Variants in NLGN1 observed in about 807,000 individuals in gnomAD.
NLGN1 encodes neuroligin-1.
A neutral mutation model predicts 65.5 loss-of-function variants in NLGN1; 12 were observed. The ratio of observed to expected loss-of-function variants is 0.18; its 90% CI spans 0.12 to 0.30. The LOEUF (loss-of-function observed/expected upper bound fraction) is 0.30, where lower values mean the gene tolerates loss of function less well. NLGN1 is among the 10% of genes least tolerant of loss of function. The pLI is 1.00. For synonymous variants in NLGN1, 350 were observed against 359.5 expected, an observed-to-expected ratio of 0.97 and a Z score of 0.30; for missense variants, 750 against 1,007.1, an observed-to-expected ratio of 0.74 and a Z score of 3.46.
chr3:173,763,838 A>G (rs760859438), intron 3 of NLGN1, among the ~76,000 whole-genome samples: 1 of 152,138 alleles, frequency 6.6e-6, no homozygotes, highest in East Asian at 1.9e-4. Flanking sequence ...TGAGGAAACA[A>G]TATGAGGAAT....
At chr3:174,081,132 G>A (rs7638337) in intron 4 of NLGN1, among the ~76,000 whole-genome samples, 28,565 of 151,886 alleles carry the variant, frequency 0.19, 3,147 homozygotes, top group African/African-American at 0.31. Flanking sequence ...ACAAGTCACG[G>A]AATACACTTA....
chr3:173,579,760 CT>C (rs1448421616), intron 2 of NLGN1, among the ~76,000 whole-genome samples: 1 of 152,110 alleles, frequency 6.6e-6, no homozygotes, highest in Non-Finnish European at 1.5e-5. Context: ...TGTTGCACCA[CT>C]TTTTATTTTT....
At chr3:173,563,221 T>C (rs139600999) in intron 2 of NLGN1, among the ~76,000 whole-genome samples, 1,926 of 152,326 alleles carry the variant, frequency 0.013, 42 homozygotes, top group African/African-American at 0.044. Flanking sequence ...CCATCGAATA[T>C]TGAATAAAGA....
chr3:173,976,858 A>G (rs1327892337), intron 4 of NLGN1, among the ~76,000 whole-genome samples: 6 of 152,036 alleles, frequency 3.9e-5, no homozygotes, highest in Non-Finnish European at 8.8e-5. Flanking sequence ...GCCTCTTGCC[A>G]ATTTACTCAG....
At chr3:173,688,422 G>A (rs1764984459) in intron 3 of NLGN1, among the ~76,000 whole-genome samples, 1 of 152,146 alleles carries the variant, frequency 6.6e-6, no homozygotes, top group Non-Finnish European at 1.5e-5. Context: ...AAACAATGCT[G>A]TTTTTCTTAG....
chr3:174,091,727 A>G (rs970870676), intron 4 of NLGN1, among the ~76,000 whole-genome samples: 3 of 152,224 alleles, frequency 2.0e-5, no homozygotes, highest in African/African-American at 4.8e-5. Context: ...TGCATTTAAG[A>G]TACTGTAAAA....
chr3:173,858,500 T>C (rs1478333981), intron 4 of NLGN1, among the ~76,000 whole-genome samples: 1 of 152,072 alleles, frequency 6.6e-6, no homozygotes. Flanking sequence ...TTGAATTATA[T>C]TAGGGTGCCT....
At chr3:173,788,833 TA>T (rs3979635) in intron 3 of NLGN1, among the ~76,000 whole-genome samples, 2,680 of 53,258 alleles carry the variant, frequency 0.05, 146 homozygotes, top group African/African-American at 0.11. Flanking sequence ...AGACCTCATT[TA>T]AAAAAAAAAA....
intron 3 of NLGN1, among the ~76,000 whole-genome samples, chr3:173,674,980 A>T (rs1762925875): frequency 1.3e-5 from 2 of 151,334 alleles, no homozygotes; most frequent in South Asian, 2.1e-4. Context: ...GACTAACTAA[A>T]TTTTTTTTTA....
At position 173,757,487 on chromosome 3, in the gene NLGN1, T is replaced by TA. The variant is rs938858887; in HGVS notation, c.494-50186dup. On this transcript the variant is annotated intron_variant, in intron 3 of 6. Transcript: ENST00000457714. The stretch of plus-strand genomic sequence containing the variant: ...TTTACTATGGTTTAATTAAACTATG[T>TA]AAAAAAACCACATACCTTTAAAATG... Among the ~76,000 whole-genome samples, 82 of 152,082 alleles carry TA rather than the reference T, an allele frequency of 5.4e-4. 1 individual carries two copies. Among genetic ancestry groups the TA allele is most frequent in the African/African-American group, 1.7e-3 (71 of 41,536 alleles).
intron 3 of NLGN1, among the ~76,000 whole-genome samples, chr3:173,698,206 A>G (rs1285850821): frequency 6.6e-6 from 1 of 152,194 alleles, no homozygotes; most frequent in Non-Finnish European, 1.5e-5. Flanking sequence ...TTCTGCAACT[A>G]TTAGACACTC....
chr3:174,266,663 C>T (rs1748307502), intron 4 of NLGN1, among the ~76,000 whole-genome samples: 1 of 152,200 alleles, frequency 6.6e-6, no homozygotes, highest in African/African-American at 2.4e-5. Flanking sequence ...GAACTAATAT[C>T]ATTCCACAAG....
intron 2 of NLGN1, among the ~76,000 whole-genome samples, chr3:173,575,558 T>G (rs1745382659): frequency 6.6e-6 from 1 of 152,218 alleles, no homozygotes; most frequent in Admixed American, 6.5e-5. Flanking sequence ...GAGCTGAGAT[T>G]TAATAGTTTT....
intron 4 of NLGN1, among the ~76,000 whole-genome samples, chr3:174,212,192 A>C (rs1222985431): frequency 6.6e-6 from 1 of 152,074 alleles, no homozygotes; most frequent in Non-Finnish European, 1.5e-5. Context: ...GACCCAGTAC[A>C]CCCTCCGCAG....
At chr3:173,531,967 T>C (rs1261119205) in intron 2 of NLGN1, among the ~76,000 whole-genome samples, 5 of 152,168 alleles carry the variant, frequency 3.3e-5, no homozygotes, top group Non-Finnish European at 7.4e-5. Flanking sequence ...TTCTATTTTA[T>C]AGAAGTGCAT....
chr3:173,907,939 C>T (rs1240636455), intron 4 of NLGN1, among the ~76,000 whole-genome samples: 3 of 152,244 alleles, frequency 2.0e-5, no homozygotes, highest in Middle Eastern at 3.4e-3. Flanking sequence ...AGGCTGGTCT[C>T]GAACTCCTGA....
intron 3 of NLGN1, among the ~76,000 whole-genome samples, chr3:173,793,954 T>C (rs1713385581): frequency 6.6e-6 from 1 of 152,108 alleles, no homozygotes; most frequent in Admixed American, 6.6e-5. Context: ...TGTGTTCCAG[T>C]TGATTCTTGT....
At chr3:174,153,316 T>G (rs9882267) in intron 4 of NLGN1, among the ~76,000 whole-genome samples, 55,743 of 151,888 alleles carry the variant, frequency 0.37, 11,959 homozygotes, top group African/African-American at 0.59. Flanking sequence ...AGGTAACATT[T>G]CAAGGACAAT....
At chr3:173,475,748 G>A (rs938718014) in intron 2 of NLGN1, among the ~76,000 whole-genome samples, 1 of 152,064 alleles carries the variant, frequency 6.6e-6, no homozygotes, top group Admixed American at 6.6e-5. Flanking sequence ...TTATCTCTTT[G>A]AACTAAGCAC....
Sources: allele counts gnomAD v4.1 joint callset (sites outside exome capture counted in the v4.1 genomes callset), GRCh38; gene constraint gnomAD v4.1.1; transcripts MANE v1.5; gene names NCBI Gene and HGNC (gene_info 2026-07-23, HGNC 2026-07-21).